The following HMGB1 variants were observed in gnomAD, a reference collection of about 807,000 sequenced individuals.
The protein encoded by HMGB1 is high mobility group protein B1.
For synonymous variants in HMGB1, 81 were observed against 84.0 expected (o/e 0.96, Z 0.19); for missense variants, 79 against 253.5 (o/e 0.31, Z 4.67).
Position 30,533,219 on chromosome 13 carries a change from G to T in HMGB1, c.-14-69525C>A, listed in dbSNP as rs1057465189. On this transcript the variant is annotated intron_variant, in intron 1 of 4. Coordinates refer to the HMGB1 transcript ENST00000405805. The stretch of plus-strand genomic sequence containing the variant: ...AATGTACCATGCAGGGAGGCACTGG[G>T]ATTGGAGCCTGGGGACATTTGTGAA... 6.6e-5 allele frequency among the ~76,000 whole-genome samples: 10 copies of T among 152,350 alleles called. No individual in the cohort carries two copies. The East Asian group carries it at 1.5e-3, about 23-fold the overall frequency.
At chr13:30,583,825 C>CAAAA (rs781566280) in intron 1 of HMGB1, among the ~76,000 whole-genome samples, 29 of 74,346 alleles carry the variant, frequency 3.9e-4, no homozygotes, top group African/African-American at 1.5e-3. Context: ...GACTCTGTCT[C>CAAAA]AAAAAAAAAA....
In HMGB1 at chr13:30,463,224, A is replaced by T; in HGVS notation, c.279T>A (p.Asn93Lys). Residue 93 changes from asparagine to lysine, a missense_variant, in exon 3 of 5, where the codon AAT becomes AAA. Coordinates refer to ENST00000341423, the MANE Select transcript of HMGB1 (RefSeq NM_002128.7). Reference sequence around the variant, plus strand: ...ATACTCACGGAGGCCTCTTGGGTGCATTGGGATCCTTGAACTTCTTTTTTG... The same window carrying T: ...ATACTCACGGAGGCCTCTTGGGTGCTTTGGGATCCTTGAACTTCTTTTTTG... ...GETKKKFKDP[N>K]APKRPPSAFF... 6.2e-7 allele frequency: 1 copy of T among 1,603,824 alleles called. No individual in the cohort carries two copies. Among genetic ancestry groups the T allele is most frequent in the Non-Finnish European group, 8.5e-7 (1 of 1,178,182 alleles).
rs529445855 is a variant in HMGB1 at position 30,571,684 on chromosome 13, C to CA, written c.-15+44986dup. On this transcript the variant is annotated intron_variant, in intron 1 of 4. Coordinates refer to the HMGB1 transcript ENST00000405805. ...ATAGTGCCTAGTGGTTTTGAAGCCA[C>CA]AAGCAGGTTTACAAAAAACATTTAA... Among the ~76,000 whole-genome samples, 47 of 152,202 alleles carry CA rather than the reference C, an allele frequency of 3.1e-4. 1 individual carries two copies. The South Asian group carries it at 9.1e-3, about 30-fold the overall frequency.
At chr13:30,560,940 TG>T (rs1869923461) in intron 1 of HMGB1, among the ~76,000 whole-genome samples, 1 of 149,148 alleles carries the variant, frequency 6.7e-6, no homozygotes, top group Non-Finnish European at 1.5e-5. Context: ...AGGTTATATA[TG>T]TTTTTTTTTT....
intron 1 of HMGB1, among the ~76,000 whole-genome samples, chr13:30,560,090 G>A (rs1869884124): frequency 6.6e-6 from 1 of 152,108 alleles, no homozygotes; most frequent in African/African-American, 2.4e-5. Context: ...GTAGCAATGA[G>A]GGTAGAGATT....
At chr13:30,465,424 G>GA (rs1232750275) in intron 1 of HMGB1, among the ~76,000 whole-genome samples, 2 of 142,412 alleles carry the variant, frequency 1.4e-5, no homozygotes, top group African/African-American at 2.5e-5. Flanking sequence ...CCGCCGCCCC[G>GA]GCCGCGCTCC....
intron 1 of HMGB1, among the ~76,000 whole-genome samples, chr13:30,491,660 C>CAAAA (rs71093072): frequency 1.7e-5 from 2 of 120,118 alleles, no homozygotes; most frequent in African/African-American, 3.2e-5. Context: ...GACCCTATCT[C>CAAAA]AAAAAAAAAA....
At chr13:30,474,959 G>GTTTTTTTTTTTTTTTTTTTTT (rs776923842) in intron 1 of HMGB1, among the ~76,000 whole-genome samples, 1 of 64,032 alleles carries the variant, frequency 1.6e-5, no homozygotes, top group Non-Finnish European at 2.6e-5. Flanking sequence ...TTCTTTTTTT[G>GTTTTTTTTTTTTTTTTTTTTT]TTTTTTTTTT....
At chr13:30,615,511 C>T (rs967040704) in intron 1 of HMGB1, among the ~76,000 whole-genome samples, 1 of 152,152 alleles carries the variant, frequency 6.6e-6, no homozygotes, top group Non-Finnish European at 1.5e-5. Context: ...CTCAATAGTT[C>T]AGGTCATATT....
intron 1 of HMGB1, among the ~76,000 whole-genome samples, chr13:30,517,018 A>G (rs1182576969): frequency 6.6e-6 from 1 of 152,260 alleles, no homozygotes; most frequent in Non-Finnish European, 1.5e-5. Flanking sequence ...CATGAAAATA[A>G]GTATTTCGAA....
At chr13:30,497,090 C>G (rs1043334216) in intron 1 of HMGB1, among the ~76,000 whole-genome samples, 3 of 152,182 alleles carry the variant, frequency 2.0e-5, no homozygotes, top group African/African-American at 7.2e-5. Flanking sequence ...AAATGATCCC[C>G]TATCTCTTTT....
intron 1 of HMGB1, among the ~76,000 whole-genome samples, chr13:30,522,687 A>G (rs1888267298): frequency 6.6e-6 from 1 of 152,072 alleles, no homozygotes; most frequent in African/African-American, 2.4e-5. Flanking sequence ...TGATATTGGG[A>G]AAAGGCTCAG....
intron 1 of HMGB1, among the ~76,000 whole-genome samples, chr13:30,557,262 T>C (rs1869731287): frequency 6.6e-6 from 1 of 152,212 alleles, no homozygotes; most frequent in Non-Finnish European, 1.5e-5. Context: ...CATGTTTTCA[T>C]CTTTATTTTT....
chr13:30,498,012 A>G (rs1288938693), intron 1 of HMGB1, among the ~76,000 whole-genome samples: 1 of 152,134 alleles, frequency 6.6e-6, no homozygotes, highest in African/African-American at 2.4e-5. Flanking sequence ...GTTCTGTTTT[A>G]AGTTCTTTGA....
chr13:30,538,688 T>C (rs9551935), intron 1 of HMGB1, among the ~76,000 whole-genome samples: 40 of 51,418 alleles, frequency 7.8e-4, no homozygotes, highest in Admixed American at 1.3e-3. Flanking sequence ...TTCTTTCCTT[T>C]CTTTCTTTCT....
chr13:30,616,568 T>G (rs1950566020), intron 1 of HMGB1: 1 of 152,188 alleles, frequency 6.6e-6, no homozygotes, highest in African/African-American at 2.4e-5. Flanking sequence ...TTCTCCAATT[T>G]TAATCACAAT....
chr13:30,463,084 A>G, intron 3 of HMGB1, 123 bp downstream of exon 3: 1 of 959,856 alleles, frequency 1.0e-6, no homozygotes, highest in East Asian at 2.4e-5. Flanking sequence ...CAATATGAAC[A>G]AGTATTAGCT....
At chr13:30,470,715 C>T (rs1212040968), upstream of HMGB1, among the ~76,000 whole-genome samples, 1 of 152,126 alleles carries the variant, frequency 6.6e-6, no homozygotes, top group Admixed American at 6.5e-5. Context: ...GTGGCGCGAT[C>T]TTGGCTCACT....
intron 1 of HMGB1, among the ~76,000 whole-genome samples, chr13:30,525,852 A>AC (rs1475383114): frequency 8.0e-5 from 6 of 74,822 alleles, no homozygotes; most frequent in Middle Eastern, 6.7e-3. Context: ...TCAAGATGAG[A>AC]TTGTGGGGGG....
Sources: allele counts gnomAD v4.1 joint callset (sites outside exome capture counted in the v4.1 genomes callset), GRCh38; gene constraint gnomAD v4.1.1; transcripts MANE v1.5; gene names NCBI Gene and HGNC (gene_info 2026-07-23, HGNC 2026-07-21).